Variants in ZFHX3 observed in about 807,000 individuals in gnomAD.
ZFHX3 encodes the protein zinc finger homeobox protein 3.
ZFHX3 carries 42 observed loss-of-function variants against 279.1 expected under a neutral mutation model. The ratio of observed to expected loss-of-function variants is 0.15; its 90% CI spans 0.12 to 0.19. ZFHX3 has a LOEUF of 0.19. ZFHX3 is among the 10% of genes least tolerant of loss of function. The pLI, the probability that ZFHX3 is intolerant of heterozygous loss-of-function variation, is 1.00. For synonymous variants in ZFHX3, 2,293 were observed against 1,957.8 expected (o/e 1.17, Z -4.52); for missense variants, 4,981 against 4,754.0 (o/e 1.05, Z -1.40).
At chr16:73,237,032 T>C (rs1383446448) in intron 5 of ZFHX3, among the ~76,000 whole-genome samples, 2 of 152,194 alleles carry the variant, frequency 1.3e-5, no homozygotes, top group Non-Finnish European at 2.9e-5. Context: ...CCCTGTTTAA[T>C]TCTCACTACA....
intron 2 of ZFHX3, among the ~76,000 whole-genome samples, chr16:73,479,037 G>A (rs1747077033): frequency 6.6e-6 from 1 of 152,122 alleles, no homozygotes; most frequent in South Asian, 2.1e-4. Flanking sequence ...GGGCAAGAGA[G>A]CAAGACTCCA....
intron 3 of ZFHX3, among the ~76,000 whole-genome samples, chr16:73,433,436 C>A (rs1055527689): frequency 2.0e-5 from 3 of 152,084 alleles, no homozygotes; most frequent in Non-Finnish European, 4.4e-5. Context: ...ATGCACAGCA[C>A]CCCCTCCTCA....
At chr16:73,362,696 G>C (rs1006581825) in intron 3 of ZFHX3, among the ~76,000 whole-genome samples, 6 of 152,250 alleles carry the variant, frequency 3.9e-5, no homozygotes, top group Non-Finnish European at 5.9e-5. Flanking sequence ...CCAGCCAGTG[G>C]CACTGTCCTC....
intron 1 of ZFHX3, among the ~76,000 whole-genome samples, chr16:73,797,194 ACT>A (rs1166606421): frequency 7.2e-6 from 1 of 138,586 alleles, no homozygotes; most frequent in Non-Finnish European, 1.5e-5. Context: ...CAAGAGTGAA[ACT>A]CTATCTCAAA....
At chr16:73,205,626 G>A (rs1021486178) in intron 5 of ZFHX3, among the ~76,000 whole-genome samples, 6 of 152,128 alleles carry the variant, frequency 3.9e-5, no homozygotes, top group African/African-American at 9.7e-5. Context: ...TGAAATGACC[G>A]CGTGTGGCTG....
At chr16:73,467,978 A>C (rs569835753) in intron 2 of ZFHX3, among the ~76,000 whole-genome samples, 132 of 152,364 alleles carry the variant, frequency 8.7e-4, no homozygotes, top group Non-Finnish European at 1.5e-3. Context: ...GGCTGATGCA[A>C]GTCTTTAATG....
At chr16:73,193,169 G>A (rs892584795) in intron 5 of ZFHX3, among the ~76,000 whole-genome samples, 6 of 152,316 alleles carry the variant, frequency 3.9e-5, no homozygotes, top group African/African-American at 1.2e-4. Flanking sequence ...TGGTGGATGA[G>A]ACAGCAAAGA....
chr16:73,107,620 T>C (rs991211890), intron 7 of ZFHX3, among the ~76,000 whole-genome samples: 1 of 152,242 alleles, frequency 6.6e-6, no homozygotes, highest in African/African-American at 2.4e-5. Flanking sequence ...GCGTAGCTCC[T>C]ATGGCATTTT....
In ZFHX3 at chr16:73,566,350, A is replaced by G. The variant is rs573174969; in HGVS notation, c.-1546-110092T>C. Among the ~76,000 whole-genome samples, 153 of 152,296 alleles carry G rather than the reference A, an allele frequency of 1.0e-3. 1 individual carries two copies. The highest frequency in any genetic ancestry group is 3.5e-3 in the African/African-American group (146 of 41,570). ...GAGTTTCCCAGAGCTGCCATACCAA[A>G]TTCCCACAAACTCAGTGGCTTACTG... On this transcript the variant is annotated intron_variant, in intron 2 of 17. Transcript: ENST00000641206.
At chr16:73,546,709 G>A (rs1362522868) in intron 2 of ZFHX3, among the ~76,000 whole-genome samples, 1 of 121,458 alleles carries the variant, frequency 8.2e-6, no homozygotes, top group Non-Finnish European at 1.5e-5. Flanking sequence ...TGCTGCTGCT[G>A]CTGCTGCTGC....
chr16:73,702,562 A>G (rs896924559), intron 1 of ZFHX3, among the ~76,000 whole-genome samples: 1 of 152,174 alleles, frequency 6.6e-6, no homozygotes, highest in African/African-American at 2.4e-5. Context: ...AGTGCCCCGA[A>G]ATATCACCTG....
chr16:72,981,004 G>T (rs1484960624), intron 1 of ZFHX3, among the ~76,000 whole-genome samples: 1 of 151,790 alleles, frequency 6.6e-6, no homozygotes, highest in African/African-American at 2.4e-5. Flanking sequence ...TCTTCTAAAA[G>T]AACAGCATTG....
chr16:73,133,351 G>A (rs376457334), intron 6 of ZFHX3, among the ~76,000 whole-genome samples: 16 of 152,190 alleles, frequency 1.1e-4, no homozygotes, highest in African/African-American at 3.1e-4. Context: ...GTGAAACCCC[G>A]TCTCTACTAA....
At chr16:72,957,383 T>A in intron 2 of ZFHX3, 44 bp downstream of exon 2, 1 of 1,551,364 alleles carries the variant, frequency 6.4e-7, no homozygotes. Context: ...TCTCCCTGGT[T>A]AAACTCCTAT....
intron 1 of ZFHX3, among the ~76,000 whole-genome samples, chr16:73,723,142 CA>C (rs1418738050): frequency 6.6e-6 from 1 of 152,188 alleles, no homozygotes; most frequent in African/African-American, 2.4e-5. Flanking sequence ...ATGAGAAACA[CA>C]ACCCCATTGG....
At chr16:73,329,804 T>A (rs1321597616) in intron 3 of ZFHX3, among the ~76,000 whole-genome samples, 2 of 152,076 alleles carry the variant, frequency 1.3e-5, no homozygotes, top group African/African-American at 4.8e-5. Context: ...TATCGAACAA[T>A]AAAAAACACA....
intron 1 of ZFHX3, among the ~76,000 whole-genome samples, chr16:72,963,960 G>C: frequency 6.6e-6 from 1 of 152,212 alleles, no homozygotes; most frequent in East Asian, 1.9e-4. Flanking sequence ...GAAACAAAGG[G>C]GAAGGGAGGA....
At chr16:73,333,022 T>A (rs2015835804) in intron 3 of ZFHX3, among the ~76,000 whole-genome samples, 3 of 152,182 alleles carry the variant, frequency 2.0e-5, no homozygotes, top group African/African-American at 7.2e-5. Flanking sequence ...GCTCCTTCCA[T>A]CTCTCTGTCT....
chr16:73,099,498 G>A (rs1966204603), intron 7 of ZFHX3, among the ~76,000 whole-genome samples: 1 of 152,028 alleles, frequency 6.6e-6, no homozygotes. Context: ...ATTACCTGTG[G>A]TCAGGAGTTT....
Sources: allele counts gnomAD v4.1 joint callset (sites outside exome capture counted in the v4.1 genomes callset), GRCh38; gene constraint gnomAD v4.1.1; transcripts MANE v1.5; gene names NCBI Gene and HGNC (gene_info 2026-07-23, HGNC 2026-07-21).